The following CCDC7 variants were observed in gnomAD, a reference collection of about 807,000 sequenced individuals.
The protein encoded by CCDC7 is coiled-coil domain containing 7, also known as coiled-coil domain-containing protein 7.
In CCDC7, 183 loss-of-function variants were observed where a neutral mutation model predicts 196.9. The observed-to-expected ratio is 0.93, with a 90% CI of 0.82 to 1.05. The LOEUF (loss-of-function observed/expected upper bound fraction) is 1.05. Among genes scored for constraint, CCDC7 ranks in the 50% least tolerant of loss-of-function variants. The pLI, the probability that CCDC7 is intolerant of heterozygous loss-of-function variation, is 0.00. For missense variants in CCDC7, 1,540 were observed against 1,482.2 expected (o/e 1.04, Z -0.64); for synonymous variants, 525 against 484.6 (o/e 1.08, Z -1.10).
chr10:32,845,782 C>T, intron 35 of CCDC7, 94 bp from the exon 37 acceptor site: 1 of 1,082,492 alleles, frequency 9.2e-7, no homozygotes, highest in Non-Finnish European at 1.4e-6. Flanking sequence ...CACACACACA[C>T]ACACACACAC....
At chr10:32,733,496 C>A (rs1052108881) in intron 28 of CCDC7, among the ~76,000 whole-genome samples, 3 of 151,912 alleles carry the variant, frequency 2.0e-5, no homozygotes. Context: ...AATGGAAACA[C>A]TAAGTAGTAT....
intron 18 of CCDC7, among the ~76,000 whole-genome samples, chr10:32,591,048 A>G (rs1474914080): frequency 1.3e-5 from 2 of 152,014 alleles, no homozygotes; most frequent in Non-Finnish European, 2.9e-5. Context: ...CTCTGTTACT[A>G]TCTCTTTGAA....
intron 29 of CCDC7, among the ~76,000 whole-genome samples, chr10:32,787,890 G>T (rs1381241080): frequency 2.6e-5 from 4 of 151,902 alleles, no homozygotes; most frequent in Non-Finnish European, 2.9e-5. Context: ...GCCCCTGAAG[G>T]CCTCTCCAGG....
chr10:32,469,055 C>T (rs1265235459), intron 5 of CCDC7, among the ~76,000 whole-genome samples: 1 of 152,220 alleles, frequency 6.6e-6, no homozygotes, highest in African/African-American at 2.4e-5. Flanking sequence ...AACCGTTTAG[C>T]TGATAACCCA....
intron 18 of CCDC7, among the ~76,000 whole-genome samples, chr10:32,595,166 A>G (rs1564769873): frequency 6.6e-6 from 1 of 152,164 alleles, no homozygotes; most frequent in East Asian, 1.9e-4. Context: ...TTGGCTGTGA[A>G]TCTGTCTGGT....
chr10:32,561,009 G>C (rs1256417060), intron 13 of CCDC7, among the ~76,000 whole-genome samples: 1 of 149,596 alleles, frequency 6.7e-6, no homozygotes, highest in Non-Finnish European at 1.5e-5. Context: ...AAAAAAGGCA[G>C]GGATTGCAAT....
intron 3 of CCDC7, 109 bp from the exon 5 acceptor site, chr10:32,462,574 C>G: frequency 1.1e-6 from 1 of 876,278 alleles, no homozygotes; most frequent in Non-Finnish European, 1.6e-6. Context: ...TATTTTAATA[C>G]TTAGTACATT....
intron 2 of CCDC7, among the ~76,000 whole-genome samples, chr10:32,455,696 C>T (rs2034183602): frequency 6.6e-6 from 1 of 152,092 alleles, no homozygotes; most frequent in Non-Finnish European, 1.5e-5. Flanking sequence ...GTATATAAGC[C>T]TGTAATATTT....
chr10:32,709,997 G>A (rs1018217622), intron 24 of CCDC7, among the ~76,000 whole-genome samples: 3 of 152,172 alleles, frequency 2.0e-5, no homozygotes, highest in African/African-American at 7.2e-5. Flanking sequence ...AGGGAAGAGA[G>A]CATGGGTTTG....
chr10:32,594,267 G>A (rs1341274550), intron 18 of CCDC7, among the ~76,000 whole-genome samples: 5 of 152,056 alleles, frequency 3.3e-5, no homozygotes, highest in African/African-American at 1.2e-4. Context: ...TCCTTCACAG[G>A]CCCTGTAAGT....
chr10:32,821,919 C>G lies in CCDC7; in HGVS notation c.3182-2599C>G, dbSNP rs569443802. ...GGCACATGTATACATATGTAACAAA[C>G]CTGCACGTTGTGCACATGTACCCTA... On this transcript the variant is annotated intron_variant, in intron 31 of 41. Coordinates refer to ENST00000639629, the Ensembl canonical transcript of CCDC7. Among the ~76,000 whole-genome samples the G allele has an allele frequency of 1.7e-4, 26 of 151,898 alleles. 1 individual carries two copies. The South Asian group carries it at 5.4e-3, about 32-fold the overall frequency.
intron 29 of CCDC7, among the ~76,000 whole-genome samples, chr10:32,787,040 C>T (rs569017818): frequency 4.0e-5 from 6 of 151,818 alleles, no homozygotes; most frequent in South Asian, 4.2e-4. Flanking sequence ...GGAATAAAAA[C>T]GAAGGAAAGG....
At chr10:32,869,545 C>T (rs1269082802) in intron 41 of CCDC7, among the ~76,000 whole-genome samples, 1 of 152,022 alleles carries the variant, frequency 6.6e-6, no homozygotes, top group Non-Finnish European at 1.5e-5. Context: ...AGTTTCTTTT[C>T]TGTGCAGAAG....
At chr10:32,672,678 G>T (rs1326039459) in intron 21 of CCDC7, among the ~76,000 whole-genome samples, 1 of 152,124 alleles carries the variant, frequency 6.6e-6, no homozygotes, top group Non-Finnish European at 1.5e-5. Flanking sequence ...GAACCATGGT[G>T]GTTCCAGCAG....
At chr10:32,509,333 T>C (rs1049169317) in intron 9 of CCDC7, among the ~76,000 whole-genome samples, 4 of 152,012 alleles carry the variant, frequency 2.6e-5, no homozygotes, top group African/African-American at 9.7e-5. Context: ...CAAATGATAC[T>C]GGGAAAAGTG....
intron 11 of CCDC7, among the ~76,000 whole-genome samples, chr10:32,536,062 T>C (rs955973911): frequency 6.6e-6 from 1 of 152,190 alleles, no homozygotes; most frequent in Non-Finnish European, 1.5e-5. Context: ...GGTCAAAGTT[T>C]AGTCCTTGCT....
chr10:32,564,733 C>T (rs1411789118), intron 13 of CCDC7, among the ~76,000 whole-genome samples: 2 of 151,872 alleles, frequency 1.3e-5, no homozygotes, highest in African/African-American at 4.8e-5. Flanking sequence ...AGCACACCAG[C>T]ATGGCACATG....
intron 41 of CCDC7, among the ~76,000 whole-genome samples, chr10:32,858,900 G>T (rs1422520937): frequency 6.6e-6 from 1 of 152,092 alleles, no homozygotes; most frequent in Non-Finnish European, 1.5e-5. Flanking sequence ...CAATACAGGA[G>T]CACCCAGTTT....
chr10:32,499,102 T>TC (rs34461715), intron 9 of CCDC7: 1 of 150,088 alleles, frequency 6.7e-6, no homozygotes, highest in African/African-American at 2.4e-5. Flanking sequence ...TTTTTTTTTT[T>TC]CCAGGAGGAA....
Sources: allele counts gnomAD v4.1 joint callset (sites outside exome capture counted in the v4.1 genomes callset), GRCh38; gene constraint gnomAD v4.1.1; transcripts MANE v1.5; gene names NCBI Gene and HGNC (gene_info 2026-07-23, HGNC 2026-07-21).